The following ITGAL variants were observed in gnomAD, a reference collection of about 807,000 sequenced individuals.
ITGAL encodes the protein integrin subunit alpha L.
Under a neutral mutation model 138.4 loss-of-function variants are expected in ITGAL, and 68 were observed. That is an observed-to-expected ratio of 0.49 (90% CI 0.40 to 0.60). The LOEUF (loss-of-function observed/expected upper bound fraction) is 0.60. ITGAL is among the 20% of genes least tolerant of loss of function. The probability of loss-of-function intolerance (pLI) is 0.00; values close to 1 mark genes in which losing one functional copy is unlikely to be tolerated. For missense variants in ITGAL, 1,256 were observed against 1,478.6 expected (o/e 0.85, Z 2.47); for synonymous variants, 561 against 584.3 (o/e 0.96, Z 0.57).
chr16:30,513,287 A>G (rs947831305), intron 24 of ITGAL, among the ~76,000 whole-genome samples: 1 of 152,290 alleles, frequency 6.6e-6, no homozygotes, highest in Admixed American at 6.5e-5. Flanking sequence ...GCAGGGGAGC[A>G]GTGAGGAGAC....
At chr16:30,507,445 G>A (rs967593610) in intron 21 of ITGAL, among the ~76,000 whole-genome samples, 1 of 126,538 alleles carries the variant, frequency 7.9e-6, no homozygotes, top group Non-Finnish European at 1.6e-5. Flanking sequence ...GGGCGACAGC[G>A]AAACTCCGTC....
Position 30,521,743 on chromosome 16 carries a change from G to T in ITGAL, c.*78G>T, listed in dbSNP as rs570882814. 4.0e-4 allele frequency: 585 copies of T among 1,445,334 alleles called. 2 individuals are homozygous for T. Among genetic ancestry groups the T allele is most frequent in the Non-Finnish European group, 3.6e-4 (385 of 1,056,576 alleles). The allele number at this position is 1,445,334 out of a possible 1,614,324, so 89.5% of individuals were successfully genotyped here. A position where few individuals can be genotyped will look rare whatever the true frequency, so the allele number is the denominator to read the frequency against. ...GCCACTCTGCCTCTGCCTGCATTCT[G>T]CCGTGTGCCCTCGGGCGAGTCACTG... On this transcript the variant is annotated 3_prime_UTR_variant, in exon 31 of 31. Coordinates refer to ENST00000356798, the MANE Select transcript of ITGAL (RefSeq NM_002209.3).
intron 4 of ITGAL, among the ~76,000 whole-genome samples, chr16:30,478,738 A>T: frequency 6.6e-6 from 1 of 151,650 alleles, no homozygotes; most frequent in South Asian, 2.1e-4. Context: ...GAGGCACTGT[A>T]TATTCTGGGA....
rs1050843749 is a variant in ITGAL at position 30,496,206 on chromosome 16, A to T, written c.1613A>T (p.Asp538Val). Reference protein sequence around the residue: ...LTDINGDGLVDVAVGAPLEEQ... With the variant: ...LTDINGDGLVVVAVGAPLEEQ... ...GACATCAACGGCGATGGGCTGGTAGACGTGGCTGTGGGGGCCCCTCTGGAG... is the reference window on the plus strand; with the variant it reads ...GACATCAACGGCGATGGGCTGGTAGTCGTGGCTGTGGGGGCCCCTCTGGAG... The change falls in exon 14 of 31, where the codon GAC becomes GTC. Residue 538 changes from aspartate to valine, a missense_variant. Around this residue, in one of 3 missense-constraint regions of ITGAL, gnomAD observed 867 missense variants for 972.5 expected, o/e 0.89. Coordinates refer to ENST00000356798, the MANE Select transcript of ITGAL (RefSeq NM_002209.3). 6.2e-7 allele frequency: 1 copy of T among 1,613,802 alleles called. No individual in the cohort carries two copies. Among genetic ancestry groups the T allele is most frequent in the Non-Finnish European group, 8.5e-7 (1 of 1,179,912 alleles).
At chr16:30,476,107 C>T (rs1277217212) in intron 4 of ITGAL, among the ~76,000 whole-genome samples, 1 of 151,898 alleles carries the variant, frequency 6.6e-6, no homozygotes, top group East Asian at 1.9e-4. Flanking sequence ...AAAAATCAGC[C>T]GGGCATGGTC....
rs201158566 is a variant in ITGAL, at chr16:30,483,890, C to A, written c.786C>A (p.Ile262=). ...ATGCCACCAAAGTGCTTATCATCAT[C>A]ACGGATGGGGAGGCCACTGACAGTG... ...RPDATKVLII[I]TDGEATDSGN... The change falls in exon 8 of 31, where the codon ATC becomes ATA. Residue 262 remains isoleucine (I), a synonymous_variant. Coordinates refer to ENST00000356798, the MANE Select transcript of ITGAL (RefSeq NM_002209.3). The A allele has an allele frequency of 7.5e-5, 121 of 1,614,006 alleles. No individual in the cohort carries two copies. Among genetic ancestry groups the A allele is most frequent in the African/African-American group, 1.3e-5 (1 of 74,904 alleles).
intron 2 of ITGAL, 115 bp downstream of exon 2, chr16:30,474,413 A>G: frequency 1.4e-6 from 1 of 695,450 alleles, no homozygotes; most frequent in South Asian, 1.7e-5. Context: ...GCAGCTCTCC[A>G]GGGGTTCCCG....
Position 30,484,270 on chromosome 16 carries a change from G to A in ITGAL, c.1006+7G>A, listed in dbSNP as rs955617939. ...AAGATCTATGTCATTGAGGGTGAGT[G>A]GCAGGCCCTGGGAGAGGGCTCGGGA... On this transcript the variant is annotated splice_region_variant and intron_variant, in intron 9 of 30. Coordinates refer to ENST00000356798, the MANE Select transcript of ITGAL (RefSeq NM_002209.3). 6 of 1,610,938 alleles carry A rather than the reference G, an allele frequency of 3.7e-6. No homozygotes were observed. The highest frequency in any genetic ancestry group is 2.2e-5 in the East Asian group (1 of 44,770).
chr16:30,484,250 C>A lies in ITGAL; in HGVS notation c.993C>A (p.Ile331=), dbSNP rs377613856. The part of the protein sequence containing the change: ...KDLFTELQKK[I]YVIEGTSKQD... ...TATTCACTGAGCTGCAGAAGAAGAT[C>A]TATGTCATTGAGGGTGAGTGGCAGG... The change falls in exon 9 of 31, where the codon ATC becomes ATA. Residue 331 remains isoleucine (I), a synonymous_variant. Coordinates refer to ENST00000356798, the MANE Select transcript of ITGAL (RefSeq NM_002209.3). The A allele has an allele frequency of 6.2e-7, 1 of 1,613,774 alleles. No homozygotes were observed.
At chr16:30,519,079 C>T (rs1047918888) in intron 29 of ITGAL, among the ~76,000 whole-genome samples, 6 of 152,020 alleles carry the variant, frequency 3.9e-5, no homozygotes, top group African/African-American at 9.7e-5. Context: ...AAAAATTAGC[C>T]GGGCATGATG....
At chr16:30,487,836 G>C (rs1567469338) in intron 9 of ITGAL, among the ~76,000 whole-genome samples, 1 of 152,096 alleles carries the variant, frequency 6.6e-6, no homozygotes, top group East Asian at 1.9e-4. Context: ...TCCTGCCTCA[G>C]CCTCCCAAGT....
chr16:30,496,677 T>C, intron 15 of ITGAL, 111 bp downstream of exon 15: 1 of 1,047,098 alleles, frequency 9.6e-7, no homozygotes, highest in Admixed American at 3.5e-5. Context: ...GGTCTCTCTT[T>C]GTTGCTCAGG....
chr16:30,496,267 C>T lies in ITGAL; in HGVS notation c.1674C>T (p.His558=), dbSNP rs766429189. Residue 558 remains histidine, a synonymous_variant, in exon 14 of 31, where the codon CAC becomes CAT. Coordinates refer to ENST00000356798, the MANE Select transcript of ITGAL (RefSeq NM_002209.3). ...CTGTGTACATCTTCAATGGGAGGCA[C>T]GGGGGGCTTAGTCCCCAGCCAAGTC... ...QGAVYIFNGR[H]GGLSPQPSQR... is the part of the protein sequence containing the mutation. 41 of 1,601,278 alleles carry T rather than the reference C, an allele frequency of 2.6e-5. No homozygotes were observed. In the East Asian group the frequency reaches 4.5e-4, roughly 18 times the overall value.
Position 30,474,190 on chromosome 16 carries a change from C to T in ITGAL, c.62-6C>T. 6.3e-7 allele frequency: 1 copy of T among 1,592,300 alleles called. No homozygotes were observed. The highest frequency in any genetic ancestry group is 8.6e-7 in the Non-Finnish European group (1 of 1,169,406). On this transcript the variant is annotated splice_polypyrimidine_tract_variant and splice_region_variant and intron_variant, in intron 1 of 30. Coordinates refer to ENST00000356798, the MANE Select transcript of ITGAL (RefSeq NM_002209.3). ...GGTCGCAGCTGACGACCCTTGCCTT[C>T]CTCAGCGCCGGCCTCGAGCTACAAC...
chr16:30,503,801 C>T (rs2050942145), intron 17 of ITGAL: 1 of 167,974 alleles, frequency 6.0e-6, no homozygotes, highest in Non-Finnish European at 1.3e-5. Context: ...AGACCCAGCC[C>T]TATTCTCAAG....
chr16:30,505,808 G>A (rs1326937912), intron 20 of ITGAL, among the ~76,000 whole-genome samples: 1 of 152,308 alleles, frequency 6.6e-6, no homozygotes, highest in South Asian at 2.1e-4. Context: ...GCTTGAGCCA[G>A]GAGTTTGAGG....
At chr16:30,478,320 C>T (rs564527230) in intron 4 of ITGAL, among the ~76,000 whole-genome samples, 2 of 138,616 alleles carry the variant, frequency 1.4e-5, no homozygotes, top group African/African-American at 5.4e-5. Context: ...GGTGACAAAG[C>T]GAGACTCCGT....
In ITGAL at chr16:30,522,607, A is replaced by C. The variant is rs1321206345; in HGVS notation, c.*942A>C. 6.6e-6 allele frequency: 1 copy of C among 152,178 alleles called. No individual in the cohort carries two copies. The highest frequency in any genetic ancestry group is 1.5e-5 in the Non-Finnish European group (1 of 68,060). 9.4% of individuals were successfully genotyped at this position (152,178 alleles called of 1,614,324 possible). ...TGATATGTCAGGGCGTGGGACATCT[A>C]GTAGGTGCTTGACATAATTTCACTG... On this transcript the variant is annotated 3_prime_UTR_variant, in exon 31 of 31. Coordinates refer to ENST00000356798, the MANE Select transcript of ITGAL (RefSeq NM_002209.3). The surrounding 1 kb of genome is among the most constrained non-coding windows in gnomAD (Gnocchi z 4.0).
chr16:30,479,648 CTTTTTTTTTTTTTTTTTTTT>C (rs59770529), intron 6 of ITGAL, among the ~76,000 whole-genome samples, 187 bp downstream of exon 6: 2 of 72,830 alleles, frequency 2.7e-5, no homozygotes, highest in Non-Finnish European at 5.0e-5. Flanking sequence ...TTCTCATTTC[CTTTTTTTTTTTTTTTTTTTT>C]TTTTTTTTTG....
Sources: allele counts gnomAD v4.1 joint callset (sites outside exome capture counted in the v4.1 genomes callset), GRCh38; gene constraint gnomAD v4.1.1; regional missense constraint gnomAD v4.1.1; non-coding constraint Gnocchi (gnomAD v3.1); transcripts MANE v1.5; gene names NCBI Gene and HGNC (gene_info 2026-07-23, HGNC 2026-07-21).